The following DNMT3A variants were observed in gnomAD, a reference collection of about 807,000 sequenced individuals.
The protein encoded by DNMT3A is DNA (cytosine-5)-methyltransferase 3A.
A neutral mutation model predicts 117.6 loss-of-function variants in DNMT3A; 267 were observed. The ratio of observed to expected loss-of-function variants is 2.27; its 90% CI spans 2.05 to 2.51. The LOEUF is 2.51. DNMT3A is among the 30% of genes most tolerant of loss of function. The probability of loss-of-function intolerance (pLI) is 0.00; values close to 1 mark genes in which losing one functional copy is unlikely to be tolerated. For missense variants in DNMT3A, 1,029 were observed against 1,260.2 expected, an observed-to-expected ratio of 0.82 and a Z score of 2.78; for synonymous variants, 432 against 474.8, an observed-to-expected ratio of 0.91 and a Z score of 1.17.
At chr2:25,284,711 T>TAAAAAAAAA (rs1304260671) in intron 3 of DNMT3A, among the ~76,000 whole-genome samples, 1 of 125,430 alleles carries the variant, frequency 8.0e-6, no homozygotes, top group Non-Finnish European at 1.7e-5. Flanking sequence ...GCTAAAAGGT[T>TAAAAAAAAA]AAAGCTCCTA....
At chr2:25,284,645 T>TGAAAAAAAAAAAAAAAAAAAA (rs1287436463) in intron 3 of DNMT3A, among the ~76,000 whole-genome samples, 1 of 16,632 alleles carries the variant, frequency 6.0e-5, no homozygotes. Flanking sequence ...AGACTCCATC[T>TGAAAAAAAAAAAAAAAAAAAA]AAAAAAAAAA....
chr2:25,290,366 G>C (rs564172847), intron 3 of DNMT3A, among the ~76,000 whole-genome samples: 2 of 148,154 alleles, frequency 1.3e-5, no homozygotes, highest in African/African-American at 5.1e-5. Context: ...TGTTCTCCAG[G>C]CTGGAGTGCA....
rs1019761804 is a variant in DNMT3A at position 25,294,912 on chromosome 2, C to A, written c.177+5227G>T. Reference sequence around the variant, plus strand: ...CTCCTCCCTCCCATTCTGGGTTATTCTTAGCAGGAGGTGACCTCAGAGTGC... The same window carrying A: ...CTCCTCCCTCCCATTCTGGGTTATTATTAGCAGGAGGTGACCTCAGAGTGC... On this transcript the variant is annotated intron_variant, in intron 3 of 22. Transcript: ENST00000321117. The surrounding 1 kb of genome is among the most constrained non-coding windows in gnomAD (Gnocchi z 4.7). Among the ~76,000 whole-genome samples the A allele has an allele frequency of 1.2e-4, 19 of 152,162 alleles. No individual in the cohort carries two copies. Among genetic ancestry groups the A allele is most frequent in the Non-Finnish European group, 2.6e-4 (18 of 68,012 alleles).
chr2:25,244,265 A>G lies in DNMT3A; in HGVS notation c.1741T>C (p.Trp581Arg), dbSNP rs1342803588. 1 of 1,613,784 alleles carries G rather than the reference A, an allele frequency of 6.2e-7. No homozygotes were observed. Among genetic ancestry groups the G allele is most frequent in the Non-Finnish European group, 8.5e-7 (1 of 1,179,900 alleles). The change falls in exon 15 of 23, where the codon TGG becomes CGG. Residue 581 changes from tryptophan (W) to arginine (R), a missense_variant. By Grantham distance (101) the Trp-to-Arg change is moderately radical. Coordinates refer to ENST00000321117, the MANE Select transcript of DNMT3A (RefSeq NM_022552.5). ...TTGTGCCCGCACATGTAGCAGTTCC[A>G]GGGGTCTTCCTTAATGGCTGCCTGG... Reference protein sequence around the residue: ...AAQAAIKEDPWNCYMCGHKGT... With the variant: ...AAQAAIKEDPRNCYMCGHKGT...
In DNMT3A at chr2:25,340,792, G is replaced by T. The variant is rs367979024; in HGVS notation, c.-178+1034C>A. On this transcript the variant is annotated intron_variant, in intron 1 of 22. Transcript: ENST00000321117. ...GGGTGCTGGAGGGGCGACCCCGGGC[G>T]TACCCCCCCTGCGCCGCTCCCGGTC... Among the ~76,000 whole-genome samples the T allele has an allele frequency of 5.1e-3, 769 of 150,726 alleles. 5 individuals are homozygous for T. The Middle Eastern group carries it at 0.07, about 14-fold the overall frequency.
At chr2:25,312,656 T>G (rs1279417142) in intron 2 of DNMT3A, among the ~76,000 whole-genome samples, 1 of 152,214 alleles carries the variant, frequency 6.6e-6, no homozygotes, top group African/African-American at 2.4e-5. Flanking sequence ...TGGGGCCATC[T>G]GTCCCTGCCC....
At chr2:25,340,544 G>A (rs939421522) in intron 1 of DNMT3A, among the ~76,000 whole-genome samples, 1 of 152,094 alleles carries the variant, frequency 6.6e-6, no homozygotes, top group Non-Finnish European at 1.5e-5. Context: ...CGGCCTGGGG[G>A]AGGGGAACTG....
chr2:25,233,233 T>C lies in DNMT3A; in HGVS notation c.*1046A>G, dbSNP rs1672971940. ...CCGACCACCTCATCTAGCCCCCTTT[T>C]TGGCAGGGAGAACCTGGCTCCCAAG... is the stretch of plus-strand genomic sequence containing the variant. On this transcript the variant is annotated 3_prime_UTR_variant, in exon 23 of 23. Transcript: ENST00000321117. The C allele has an allele frequency of 4.3e-6, 1 of 233,654 alleles. No individual in the cohort carries two copies. The highest frequency in any genetic ancestry group is 2.2e-5 in the African/African-American group (1 of 45,324). 14.5% of individuals were successfully genotyped at this position (233,654 alleles called of 1,614,324 possible).
At position 25,247,083 on chromosome 2, in the gene DNMT3A, T is replaced by C; in HGVS notation, c.1090A>G (p.Met364Val). ...ACCTCGTAGATGGCTTTGCGGTACA[T>C]GGGCTGCTTGTTGTACGTGGCCTGG... ...FHQATYNKQP[M>V]YRKAIYEVLQ... The change falls in exon 9 of 23, where the codon ATG (methionine) becomes GTG (valine). Residue 364 changes from methionine (M) to valine (V), a missense_variant. By Grantham distance (21) the Met-to-Val change is conservative (BLOSUM62 1). Coordinates refer to ENST00000321117, the MANE Select transcript of DNMT3A (RefSeq NM_022552.5). The surrounding 1 kb of genome is among the most constrained non-coding windows in gnomAD (Gnocchi z 5.6). 6.2e-7 allele frequency: 1 copy of C among 1,614,138 alleles called. No individual in the cohort carries two copies. The highest frequency in any genetic ancestry group is 8.5e-7 in the Non-Finnish European group (1 of 1,180,004).
At chr2:25,280,967 G>A (rs1035908457) in intron 4 of DNMT3A, among the ~76,000 whole-genome samples, 6 of 152,156 alleles carry the variant, frequency 3.9e-5, no homozygotes, top group Admixed American at 1.3e-4. Flanking sequence ...CCTGGGAAGC[G>A]AAGTCAACTG....
At chr2:25,283,553 C>A (rs983321121) in intron 3 of DNMT3A, among the ~76,000 whole-genome samples, 4 of 152,068 alleles carry the variant, frequency 2.6e-5, no homozygotes, top group African/African-American at 7.2e-5. Flanking sequence ...CCCAAAAAAC[C>A]ATTCTGTAGG....
chr2:25,260,393 AAC>A (rs2149342432), intron 6 of DNMT3A, among the ~76,000 whole-genome samples: 1 of 152,310 alleles, frequency 6.6e-6, no homozygotes, highest in South Asian at 2.1e-4. Context: ...CTGGTGAGGT[AAC>A]ACACAATCTC....
At chr2:25,244,761 A>G in intron 13 of DNMT3A, 109 bp from the exon 14 acceptor site, 1 of 872,472 alleles carries the variant, frequency 1.1e-6, no homozygotes, top group Non-Finnish European at 1.8e-6. Context: ...TGAAGACATG[A>G]CCCCGCCACC....
chr2:25,233,720 C>G lies in DNMT3A; in HGVS notation c.*559G>C, dbSNP rs982444798. The G allele has an allele frequency of 9.3e-6, 2 of 214,396 alleles. No individual in the cohort carries two copies. The highest frequency in any genetic ancestry group is 4.9e-5 in the African/African-American group (2 of 41,092). The allele number at this position is 214,396 out of a possible 1,614,324, so 13.3% of individuals were successfully genotyped here. A position where few individuals can be genotyped will look rare whatever the true frequency, so the allele number is the denominator to read the frequency against. ...TCTCTCTTTCCGTCCCCTGCTTGTG[C>G]TCCTATCTGATCAGGCTAGAGACAA... On this transcript the variant is annotated 3_prime_UTR_variant, in exon 23 of 23. Transcript: ENST00000321117.
intron 6 of DNMT3A, among the ~76,000 whole-genome samples, chr2:25,260,893 CT>C (rs1431896163): frequency 6.6e-6 from 1 of 152,160 alleles, no homozygotes; most frequent in African/African-American, 2.4e-5. Context: ...ACTTGGGAAG[CT>C]GAGGTGGGAG....
intron 1 of DNMT3A, among the ~76,000 whole-genome samples, chr2:25,318,106 GC>G (rs1043352837): frequency 9.2e-5 from 14 of 152,298 alleles, no homozygotes; most frequent in African/African-American, 3.1e-4. Flanking sequence ...AATACTGGCA[GC>G]CAGACAACCA....
intron 1 of DNMT3A, among the ~76,000 whole-genome samples, chr2:25,334,394 C>T (rs956465878): frequency 2.0e-5 from 3 of 152,220 alleles, no homozygotes; most frequent in Admixed American, 6.5e-5. Flanking sequence ...TCTACCCCTT[C>T]GTGGGGCCTC....
In DNMT3A at chr2:25,252,156, C is replaced by A; in HGVS notation, c.640-3904G>T. 6.4e-7 allele frequency: 1 copy of A among 1,552,806 alleles called. No homozygotes were observed. Among genetic ancestry groups the A allele is most frequent in the Admixed American group, 1.9e-5 (1 of 52,048 alleles). The stretch of plus-strand genomic sequence containing the variant: ...CCTCCCACCGGCCCTGCCGCCTCCC[C>A]GCCCCCGGTCTCCCCGGGGCTCCGT... On this transcript the variant is annotated intron_variant, in intron 6 of 22. Transcript: ENST00000321117. The surrounding 1 kb of genome is among the most constrained non-coding windows in gnomAD (Gnocchi z 5.5).
intron 6 of DNMT3A, chr2:25,249,840 G>T: frequency 1.7e-6 from 2 of 1,204,622 alleles, no homozygotes; most frequent in Non-Finnish European, 1.2e-6. Flanking sequence ...CACCATACCA[G>T]ATTTAGAGGG....
Sources: allele counts gnomAD v4.1 joint callset (sites outside exome capture counted in the v4.1 genomes callset), GRCh38; gene constraint gnomAD v4.1.1; non-coding constraint Gnocchi (gnomAD v3.1); transcripts MANE v1.5; gene names NCBI Gene and HGNC (gene_info 2026-07-23, HGNC 2026-07-21).